Variants in SLC5A11 observed in about 807,000 individuals in gnomAD.
The protein encoded by SLC5A11 is solute carrier family 5 member 11, also known as sodium/myo-inositol cotransporter 2.
A neutral mutation model predicts 69.8 loss-of-function variants in SLC5A11; 48 were observed. That is an observed-to-expected ratio of 0.69 (90% confidence interval 0.55 to 0.87). The LOEUF is 0.87. SLC5A11 is among the 40% of genes least tolerant of loss of function. SLC5A11 has a pLI of 0.00. For synonymous variants in SLC5A11, 319 were observed against 342.4 expected (o/e 0.93, Z 0.75); for missense variants, 784 against 866.1 (o/e 0.91, Z 1.19).
chr16:24,874,565 T>TA (rs1486255179), intron 5 of SLC5A11, among the ~76,000 whole-genome samples: 1 of 152,198 alleles, frequency 6.6e-6, no homozygotes, highest in African/African-American at 2.4e-5. Flanking sequence ...CACTGCTTTT[T>TA]AAAATTTTTT....
intron 8 of SLC5A11, among the ~76,000 whole-genome samples, chr16:24,888,478 C>CTTTTTTTTTTTTTTTTTTTTTTT (rs891552223): frequency 1.2e-5 from 1 of 81,406 alleles, no homozygotes; most frequent in Non-Finnish European, 2.2e-5. Context: ...GTATCTATTT[C>CTTTTTTTTTTTTTTTTTTTTTTT]TTTTTTTTTT....
intron 8 of SLC5A11, among the ~76,000 whole-genome samples, chr16:24,890,193 T>C (rs1282182858): frequency 1.3e-5 from 2 of 152,102 alleles, no homozygotes; most frequent in Admixed American, 6.6e-5. Context: ...AGGGAGGTAG[T>C]AAATTATTTT....
intron 3 of SLC5A11, among the ~76,000 whole-genome samples, chr16:24,863,094 A>G (rs949865577): frequency 1.9e-5 from 2 of 106,744 alleles, no homozygotes; most frequent in African/African-American, 5.5e-5. Context: ...TATATAATAG[A>G]TATATATTAT....
At chr16:24,869,945 C>T in exon 4 of SLC5A11, 1 of 1,614,172 alleles carries the variant, frequency 6.2e-7, no homozygotes, top group Non-Finnish European at 8.5e-7. Context: ...GTGGACATTT[C>T]ATTGGCCTGG....
chr16:24,907,265 C>G lies in SLC5A11; in HGVS notation c.1265+90C>G. Reference sequence around the variant, plus strand: ...GTCCAGGTTCAGCCAGCAACCTATCCAGGCTGAAGAGCATTAGGACTCCAT... The same window carrying G: ...GTCCAGGTTCAGCCAGCAACCTATCGAGGCTGAAGAGCATTAGGACTCCAT... On this transcript the variant is annotated intron_variant, in intron 12 of 15. Coordinates refer to ENST00000347898, the Ensembl canonical transcript of SLC5A11. 2.1e-6 allele frequency: 3 copies of G among 1,454,774 alleles called. No individual in the cohort carries two copies. In the East Asian group the frequency reaches 6.8e-5, roughly 33 times the overall value. The allele number at this position is 1,454,774 out of a possible 1,614,324, so 90.1% of individuals were successfully genotyped here.
chr16:24,908,014 C>G (rs367762155), exon 13 of SLC5A11: 25 of 1,613,966 alleles, frequency 1.5e-5, no homozygotes, highest in Non-Finnish European at 2.1e-5. Context: ...TCCCTGTGGT[C>G]CAGGCCAGCC....
intron 3 of SLC5A11, among the ~76,000 whole-genome samples, chr16:24,868,449 A>AT (rs940715936): frequency 2.7e-5 from 4 of 150,514 alleles, no homozygotes; most frequent in Non-Finnish European, 3.0e-5. Flanking sequence ...AAAAAAAAAA[A>AT]TTAGCCGGGC....
chr16:24,857,595 C>T (rs532450218), intron 1 of SLC5A11, among the ~76,000 whole-genome samples: 15 of 152,170 alleles, frequency 9.9e-5, no homozygotes, highest in Non-Finnish European at 1.6e-4. Flanking sequence ...TGGCTTGTAG[C>T]TCCATTACCC....
At chr16:24,884,117 C>T (rs373030092) in exon 8 of SLC5A11, 1 of 1,614,104 alleles carries the variant, frequency 6.2e-7, no homozygotes. Context: ...GGAGCGCTCA[C>T]CTTGATGGGC....
rs756043298 is a variant in SLC5A11 at position 24,877,408 on chromosome 16, G to A, written c.583+45G>A. The stretch of plus-strand genomic sequence containing the variant: ...AACACCTAGCAGAGGCAGTGGGCAG[G>A]GGCTGTGGGCCACTCTACCTTCTCC... On this transcript the variant is annotated intron_variant, in intron 7 of 15. Transcript: ENST00000347898. The A allele has an allele frequency of 5.6e-6, 8 of 1,435,956 alleles. No homozygotes were observed. The Admixed American group carries it at 1.0e-4, about 18-fold the overall frequency. The allele number at this position is 1,435,956 out of a possible 1,614,324, so 89.0% of individuals were successfully genotyped here.
At chr16:24,878,979 G>A (rs1022174920) in intron 7 of SLC5A11, among the ~76,000 whole-genome samples, 1 of 152,140 alleles carries the variant, frequency 6.6e-6, no homozygotes, top group Non-Finnish European at 1.5e-5. Context: ...AGGTTGCAGT[G>A]AGCCAAGATC....
intron 8 of SLC5A11, among the ~76,000 whole-genome samples, chr16:24,888,040 T>C (rs1290837089): frequency 6.6e-6 from 1 of 152,132 alleles, no homozygotes; most frequent in African/African-American, 2.4e-5. Flanking sequence ...ATTTAGAAGA[T>C]ATAAATTCTA....
intron 10 of SLC5A11, among the ~76,000 whole-genome samples, chr16:24,898,420 G>C (rs897169724): frequency 2.0e-5 from 3 of 152,014 alleles, no homozygotes; most frequent in African/African-American, 7.3e-5. Context: ...ATGTTGCTCA[G>C]GCTGGTCTTG....
rs532397872 is a variant in SLC5A11, at chr16:24,879,842, G to T, written c.583+2479G>T. Among the ~76,000 whole-genome samples the T allele has an allele frequency of 1.7e-3, 265 of 152,262 alleles. 1 individual carries two copies. Among genetic ancestry groups the T allele is most frequent in the Non-Finnish European group, 3.4e-3 (234 of 68,022 alleles). ...CCAGCTGCATTCATGTGCTGCAAAG[G>T]TTATGATTTTGTCCTTTTTAATGGC... On this transcript the variant is annotated intron_variant, in intron 7 of 15. Coordinates refer to ENST00000347898, the Ensembl canonical transcript of SLC5A11.
intron 3 of SLC5A11, among the ~76,000 whole-genome samples, chr16:24,868,158 A>G (rs1458781056): frequency 6.6e-6 from 1 of 151,490 alleles, no homozygotes; most frequent in African/African-American, 2.4e-5. Flanking sequence ...AAAAGTAAAG[A>G]CAGTGAATTA....
At chr16:24,891,349 C>G (rs2048795524) in intron 9 of SLC5A11, among the ~76,000 whole-genome samples, 2 of 135,590 alleles carry the variant, frequency 1.5e-5, no homozygotes, top group South Asian at 2.5e-4. Context: ...GGGTCTCACT[C>G]TATCACCCAG....
chr16:24,888,997 A>G (rs531118408), intron 8 of SLC5A11, among the ~76,000 whole-genome samples: 6 of 151,292 alleles, frequency 4.0e-5, no homozygotes, highest in African/African-American at 1.2e-4. Context: ...GGGTTTCCCC[A>G]TGTGGGCCAG....
chr16:24,900,862 G>A (rs2049527954), intron 10 of SLC5A11, among the ~76,000 whole-genome samples: 1 of 149,878 alleles, frequency 6.7e-6, no homozygotes, highest in Non-Finnish European at 1.5e-5. Flanking sequence ...AGGCTGCAGT[G>A]AGCTATTATT....
chr16:24,868,649 G>A lies in SLC5A11; in HGVS notation c.208-1252G>A, dbSNP rs559568608. Among the ~76,000 whole-genome samples, 7 of 150,234 alleles carry A rather than the reference G, an allele frequency of 4.7e-5. No individual in the cohort carries two copies. In the South Asian group the frequency reaches 6.3e-4, roughly 14 times the overall value. On this transcript the variant is annotated intron_variant, in intron 3 of 15. Coordinates refer to ENST00000347898, the Ensembl canonical transcript of SLC5A11. ...TCCCAATTTGAAAACTTACTACAAC[G>A]CTACAGTAATCAAAAGAATATGATA...
Sources: allele counts gnomAD v4.1 joint callset (sites outside exome capture counted in the v4.1 genomes callset), GRCh38; gene constraint gnomAD v4.1.1; transcripts MANE v1.5; gene names NCBI Gene and HGNC (gene_info 2026-07-23, HGNC 2026-07-21).